Variants in GRIA3 observed in about 807,000 individuals in gnomAD.
GRIA3 encodes glutamate receptor 3.
GRIA3 carries 3 observed loss-of-function variants against 63.0 expected under a neutral mutation model. The ratio of observed to expected loss-of-function variants is 0.05; its 90% confidence interval spans 0.02 to 0.12. The LOEUF (loss-of-function observed/expected upper bound fraction) is 0.12. Ranked by LOEUF, GRIA3 falls within the 10% of genes least tolerant of loss-of-function variation. The probability of loss-of-function intolerance (pLI) is 1.00; values close to 1 mark genes in which losing one functional copy is unlikely to be tolerated. For synonymous variants in GRIA3, 274 were observed against 257.9 expected (o/e 1.06, Z -0.60); for missense variants, 347 against 700.9 (o/e 0.50, Z 5.70).
intron 3 of GRIA3, among the ~76,000 whole-genome samples, chrX:123,268,566 A>G (rs2044501687): frequency 9.0e-6 from 1 of 110,514 alleles, no homozygotes; most frequent in East Asian, 2.8e-4. Flanking sequence ...TTAACAAATG[A>G]TTTTTTTTAT....
chrX:123,422,186 A>G (rs2045567183), intron 11 of GRIA3, among the ~76,000 whole-genome samples: 1 of 112,167 alleles, frequency 8.9e-6, no homozygotes, highest in Non-Finnish European at 1.9e-5. Context: ...AGCATTTAAA[A>G]TATTATCGAG....
intron 5 of GRIA3, among the ~76,000 whole-genome samples, chrX:123,381,584 C>T (rs2045324611): frequency 9.0e-6 from 1 of 111,551 alleles, no homozygotes; most frequent in South Asian, 3.8e-4. Context: ...TGCCCTTGTA[C>T]AGTACCTCTC....
At chrX:123,249,016 G>T (rs763392504) in intron 2 of GRIA3, among the ~76,000 whole-genome samples, 19 of 111,791 alleles carry the variant, frequency 1.7e-4, no homozygotes, top group Non-Finnish European at 1.7e-4. Context: ...TGAGGGCTAG[G>T]CATTGAAGGT....
chrX:123,274,823 G>A (rs1264359976), intron 3 of GRIA3, among the ~76,000 whole-genome samples: 1 of 111,554 alleles, frequency 9.0e-6, no homozygotes, highest in Non-Finnish European at 1.9e-5. Context: ...AAGTGAAGTG[G>A]AGAATGTTTA....
At chrX:123,224,494 C>G (rs1192773053) in intron 2 of GRIA3, among the ~76,000 whole-genome samples, 1 of 111,793 alleles carries the variant, frequency 8.9e-6, no homozygotes, top group Non-Finnish European at 1.9e-5. Flanking sequence ...TCATCTCTAA[C>G]CTATTCTCCT....
In GRIA3 at chrX:123,403,448, T is replaced by C. The variant is rs1483298953; in HGVS notation, c.1222T>C (p.Phe408Leu). ...GAATGAGTATGAAAGGTTTGTGCCT[T>C]TCTCAGATCAGCAAATCAGCAATGA... Reference protein sequence around the residue: ...YWNEYERFVPFSDQQISNDSA... With the variant: ...YWNEYERFVPLSDQQISNDSA... Residue 408 changes from phenylalanine to leucine, a missense_variant, in exon 9 of 16, where the codon TTC (phenylalanine) becomes CTC (leucine). By Grantham distance (22) the Phe-to-Leu change is conservative. Around this residue, in one of 8 missense-constraint regions of GRIA3, gnomAD observed 65 missense variants for 145.8 expected, o/e 0.45. Coordinates refer to ENST00000620443, the MANE Select transcript of GRIA3 (RefSeq NM_007325.5). 1 of 1,195,988 alleles carries C rather than the reference T, an allele frequency of 8.4e-7. No homozygotes were observed. The highest frequency in any genetic ancestry group is 1.1e-6 in the Non-Finnish European group (1 of 882,240).
intron 3 of GRIA3, among the ~76,000 whole-genome samples, chrX:123,279,522 C>A (rs1255664097): frequency 1.8e-5 from 2 of 111,456 alleles, no homozygotes; most frequent in Non-Finnish European, 3.8e-5. Flanking sequence ...ATAGAGCCAA[C>A]AGATTTCAAG....
In GRIA3 at chrX:123,442,624, C is replaced by T. The variant is rs187894566; in HGVS notation, c.2076+14485C>T. On this transcript the variant is annotated intron_variant, in intron 12 of 15. Coordinates refer to ENST00000620443, the MANE Select transcript of GRIA3 (RefSeq NM_007325.5). ...TAATCTGATGAATGACTGTACTCGACCAGTGTTTTCCAACACTGTGTATAT... is the reference window on the plus strand; with the variant it reads ...TAATCTGATGAATGACTGTACTCGATCAGTGTTTTCCAACACTGTGTATAT... 2.8e-3 allele frequency among the ~76,000 whole-genome samples: 311 copies of T among 111,499 alleles called. 1 individual carries two copies. Among genetic ancestry groups the T allele is most frequent in the African/African-American group, 9.9e-3 (304 of 30,665 alleles).
chrX:123,198,869 G>A (rs1396386124), intron 2 of GRIA3, among the ~76,000 whole-genome samples: 3 of 111,614 alleles, frequency 2.7e-5, no homozygotes, highest in Non-Finnish European at 5.6e-5. Flanking sequence ...CTTCAAATGT[G>A]ACCTCTATTT....
At chrX:123,353,414 T>G (rs916519332) in intron 4 of GRIA3, among the ~76,000 whole-genome samples, 1 of 112,159 alleles carries the variant, frequency 8.9e-6, no homozygotes, top group Non-Finnish European at 1.9e-5. Context: ...ATTCCTCATC[T>G]GTAAAATGAG....
At chrX:123,397,380 C>G (rs2045420588) in intron 6 of GRIA3, among the ~76,000 whole-genome samples, 1 of 111,611 alleles carries the variant, frequency 9.0e-6, no homozygotes, top group Non-Finnish European at 1.9e-5. Flanking sequence ...TAAACATTTT[C>G]TTTTAGGGCT....
chrX:123,412,348 A>G (rs985919150), intron 10 of GRIA3, among the ~76,000 whole-genome samples: 2 of 111,926 alleles, frequency 1.8e-5, no homozygotes, highest in Non-Finnish European at 3.8e-5. Context: ...TTATCACAAC[A>G]ACTTATTTTA....
chrX:123,356,674 T>G (rs534556395), intron 5 of GRIA3, among the ~76,000 whole-genome samples: 7 of 111,511 alleles, frequency 6.3e-5, no homozygotes, highest in African/African-American at 2.3e-4. Flanking sequence ...AAAATCTGGG[T>G]TTTGCCTACC....
intron 2 of GRIA3, among the ~76,000 whole-genome samples, chrX:123,216,635 T>C (rs953458525): frequency 2.7e-5 from 3 of 111,699 alleles, no homozygotes; most frequent in Non-Finnish European, 3.8e-5. Flanking sequence ...TTCTTGTACC[T>C]TCCATTTAAC....
rs145241440 is a variant in GRIA3, at chrX:123,227,168, T to C, written c.269-26135T>C. 2.6e-3 allele frequency among the ~76,000 whole-genome samples: 295 copies of C among 111,960 alleles called. 1 individual carries two copies. The highest frequency in any genetic ancestry group is 8.9e-3 in the African/African-American group (274 of 30,888). On this transcript the variant is annotated intron_variant, in intron 2 of 15. Transcript: ENST00000620443. ...TACTGCATTTTATAATATTTTATGT[T>C]GTTCTTGAATCATTTAATGTCACTT...
intron 12 of GRIA3, among the ~76,000 whole-genome samples, chrX:123,463,171 TC>T (rs753337693): frequency 1.6e-3 from 179 of 111,201 alleles, no homozygotes; most frequent in African/African-American, 5.6e-3. Context: ...ATTATATTCT[TC>T]CAGTGCTTCT....
chrX:123,267,432 C>T (rs1010362852), intron 3 of GRIA3, among the ~76,000 whole-genome samples: 1 of 111,910 alleles, frequency 8.9e-6, no homozygotes, highest in African/African-American at 3.2e-5. Context: ...CCTTATGGTT[C>T]CTGAGTCTCA....
intron 12 of GRIA3, among the ~76,000 whole-genome samples, chrX:123,445,901 A>G (rs1341563712): frequency 3.6e-5 from 4 of 112,364 alleles, no homozygotes; most frequent in African/African-American, 1.3e-4. Context: ...AACGAATCTA[A>G]TTTATGGCAC....
intron 3 of GRIA3, among the ~76,000 whole-genome samples, chrX:123,304,093 G>A (rs1325195044): frequency 9.1e-6 from 1 of 110,479 alleles, no homozygotes; most frequent in African/African-American, 3.3e-5. Context: ...AGATGACCCT[G>A]AGACATTGTA....
Sources: gnomAD v4.1 joint callset for allele counts (sites outside exome capture counted in the v4.1 genomes callset) on GRCh38, gnomAD v4.1.1 for gene constraint, gnomAD v4.1.1 regional missense constraint, MANE v1.5 for transcripts, NCBI Gene and HGNC (gene_info 2026-07-23, HGNC 2026-07-21) for gene names.